The following PCDHGA5 variants were observed in gnomAD, a reference collection of about 807,000 sequenced individuals.
PCDHGA5 encodes protocadherin gamma subfamily A, 5.
A neutral mutation model predicts 56.7 loss-of-function variants in PCDHGA5; 36 were observed. The ratio of observed to expected loss-of-function variants is 0.64; its 90% CI spans 0.49 to 0.84. The LOEUF is 0.84. Among genes scored for constraint, PCDHGA5 ranks in the 40% least tolerant of loss-of-function variants. The pLI is 0.00. For synonymous variants in PCDHGA5, 563 were observed against 520.2 expected (o/e 1.08, Z -1.12); for missense variants, 1,305 against 1,201.5 (o/e 1.09, Z -1.27).
At position 141,431,851 on chromosome 5, in the gene PCDHGA5, A is replaced by G. The variant is rs2097423722; in HGVS notation, c.2422-62956A>G. 1 of 1,614,264 alleles carries G rather than the reference A, an allele frequency of 6.2e-7. No individual in the cohort carries two copies. The highest frequency in any genetic ancestry group is 1.1e-5 in the South Asian group (1 of 91,088). ...TTCCCGAAAACTCTCCCAGAGGGAC[A>G]TTAATTGCCCTTTTAAATGTAAATG... On this transcript the variant is annotated intron_variant, in intron 1 of 3. Coordinates refer to ENST00000518069, the MANE Select transcript of PCDHGA5 (RefSeq NM_018918.3). This position sits in a 1 kb window ranked among gnomAD's most constrained non-coding sequence, Gnocchi z 4.8.
At chr5:141,500,699 A>G (rs780869966) in intron 2 of PCDHGA5, among the ~76,000 whole-genome samples, 1 of 152,156 alleles carries the variant, frequency 6.6e-6, no homozygotes, top group Non-Finnish European at 1.5e-5. Context: ...TCTTCTTTGC[A>G]GTGTATCATG....
chr5:141,414,778 C>T (rs1346896593), intron 1 of PCDHGA5: 12 of 1,614,202 alleles, frequency 7.4e-6, no homozygotes, highest in Non-Finnish European at 1.0e-5. Context: ...GCTACAGATG[C>T]AGGTGACAGC....
intron 1 of PCDHGA5, chr5:141,404,276 G>A (rs754510135): frequency 6.2e-7 from 1 of 1,613,992 alleles, no homozygotes; most frequent in Non-Finnish European, 8.5e-7. Context: ...CACCCTGCAA[G>A]TGACTGACAT....
chr5:141,384,928 A>G (rs1780667479), intron 1 of PCDHGA5: 3 of 1,614,014 alleles, frequency 1.9e-6, no homozygotes, highest in Non-Finnish European at 2.5e-6. Context: ...CGACCTGGGC[A>G]GCCTTGAGCC....
intron 1 of PCDHGA5, chr5:141,441,037 A>G (rs1318122240): frequency 6.6e-6 from 1 of 152,194 alleles, no homozygotes; most frequent in Admixed American, 6.5e-5. Context: ...GAAAACTTTA[A>G]GTACATTGGA....
rs757755103 is a variant in PCDHGA5 at position 141,432,638 on chromosome 5, C to T, written c.2422-62169C>T. 1.2e-6 allele frequency: 2 copies of T among 1,613,810 alleles called. No homozygotes were observed. Among genetic ancestry groups the T allele is most frequent in the Non-Finnish European group, 8.5e-7 (1 of 1,179,930 alleles). ...GGTGGGTCTGCACACGGGCGAGGTG[C>T]GCACGGCGCGAGCCCTGCTGGACAG... is the stretch of plus-strand genomic sequence containing the variant. On this transcript the variant is annotated intron_variant, in intron 1 of 3. Transcript: ENST00000518069. The surrounding 1 kb of genome is among the most constrained non-coding windows in gnomAD (Gnocchi z 6.0).
At chr5:141,394,122 C>G in intron 1 of PCDHGA5, 1 of 1,613,944 alleles carries the variant, frequency 6.2e-7, no homozygotes, top group Middle Eastern at 1.6e-4. Context: ...CACTGAAACT[C>G]AAATCGCTCT....
chr5:141,456,335 G>A (rs2098850730), intron 1 of PCDHGA5, among the ~76,000 whole-genome samples: 1 of 152,114 alleles, frequency 6.6e-6, no homozygotes. Flanking sequence ...TTGATCTAAG[G>A]GTCCTCGGAA....
rs761227475 is a variant in PCDHGA5 at position 141,489,382 on chromosome 5, G to A, written c.2422-5425G>A. 4 of 1,613,872 alleles carry A rather than the reference G, an allele frequency of 2.5e-6. No homozygotes were observed. The highest frequency in any genetic ancestry group is 1.7e-5 in the Admixed American group (1 of 60,006). On this transcript the variant is annotated intron_variant, in intron 1 of 3. Coordinates refer to ENST00000518069, the MANE Select transcript of PCDHGA5 (RefSeq NM_018918.3). The surrounding 1 kb of genome is among the most constrained non-coding windows in gnomAD (Gnocchi z 4.5). ...TGAGCCGGGGACGCTGGTGGGGAATGTTGCTCAGGATCTGGGCTTAAAGAT... is the reference window on the plus strand; with the variant it reads ...TGAGCCGGGGACGCTGGTGGGGAATATTGCTCAGGATCTGGGCTTAAAGAT...
intron 1 of PCDHGA5, chr5:141,374,803 A>C (rs371815306): frequency 4.3e-6 from 7 of 1,613,866 alleles, no homozygotes; most frequent in African/African-American, 4.0e-5. Flanking sequence ...ACAACACTCC[A>C]ATGTTTACTC....
chr5:141,409,286 C>T (rs1304936825), intron 1 of PCDHGA5: 1 of 1,613,826 alleles, frequency 6.2e-7, no homozygotes, highest in African/African-American at 1.3e-5. Context: ...GAATTCACCT[C>T]CAGGAATGGT....
At position 141,476,456 on chromosome 5, in the gene PCDHGA5, A is replaced by C; in HGVS notation, c.2422-18351A>C. The C allele has an allele frequency of 6.2e-7, 1 of 1,614,058 alleles. No homozygotes were observed. Among genetic ancestry groups the C allele is most frequent in the Non-Finnish European group, 8.5e-7 (1 of 1,180,010 alleles). On this transcript the variant is annotated intron_variant, in intron 1 of 3. Transcript: ENST00000518069. The surrounding 1 kb of genome is among the most constrained non-coding windows in gnomAD (Gnocchi z 7.6). ...TGTAACTCTGGAGTTGGTAGTGGAGAACCCGCTGGAGCTGTTCAGCGTGGA... is the reference window on the plus strand; with the variant it reads ...TGTAACTCTGGAGTTGGTAGTGGAGCACCCGCTGGAGCTGTTCAGCGTGGA...
At chr5:141,380,617 C>T (rs1024348906) in intron 1 of PCDHGA5, among the ~76,000 whole-genome samples, 3 of 152,156 alleles carry the variant, frequency 2.0e-5, no homozygotes, top group Admixed American at 6.5e-5. Context: ...TTATGATGTT[C>T]GATAACTTAG....
At chr5:141,423,745 C>A (rs561499055) in intron 1 of PCDHGA5, 2 of 605,688 alleles carry the variant, frequency 3.3e-6, no homozygotes, top group Non-Finnish European at 4.0e-6. Context: ...GTTATGAAAA[C>A]TGTTTGGGGG....
At chr5:141,400,385 C>G (rs903146096) in intron 1 of PCDHGA5, 1 of 1,614,074 alleles carries the variant, frequency 6.2e-7, no homozygotes, top group Admixed American at 1.7e-5. Flanking sequence ...CTATGTGTTG[C>G]ACATACAGGA....
In PCDHGA5 at chr5:141,364,479, A is replaced by G. The variant is rs761634575; in HGVS notation, c.149A>G (p.Lys50Arg). ...DKGSFVGNIA[K>R]DLGLEPQELA... ...GGCTCCTTCGTCGGCAACATAGCCA[A>G]GGACCTTGGGCTGGAGCCCCAGGAG... Residue 50 changes from lysine to arginine, a missense_variant, in exon 1 of 4, where the codon AAG (lysine) becomes AGG (arginine). Physicochemically the swap from Lys to Arg is conservative, Grantham distance 26. Coordinates refer to ENST00000518069, the MANE Select transcript of PCDHGA5 (RefSeq NM_018918.3). The G allele has an allele frequency of 6.2e-7, 1 of 1,614,046 alleles. No homozygotes were observed. The highest frequency in any genetic ancestry group is 2.2e-5 in the East Asian group (1 of 44,882).
chr5:141,428,091 T>A lies in PCDHGA5; in HGVS notation c.2421+61340T>A, dbSNP rs769710543. 1.1e-5 allele frequency: 17 copies of A among 1,609,000 alleles called. No homozygotes were observed. In the African/African-American group the frequency reaches 1.5e-4, roughly 14 times the overall value. On this transcript the variant is annotated intron_variant, in intron 1 of 3. Transcript: ENST00000518069. ...AGATTCGGGACACAACGCTTGGCTGTCCTACCACGTGCTGCAGGCCATCGA... is the reference window on the plus strand; with the variant it reads ...AGATTCGGGACACAACGCTTGGCTGACCTACCACGTGCTGCAGGCCATCGA...
At position 141,431,738 on chromosome 5, in the gene PCDHGA5, TA is replaced by T; in HGVS notation, c.2422-63068del. ...AGTGCAAGCAATGGATAATGCAGGA[TA>T]TTCTGCGCGAGCCAAAGTCCTGATC... On this transcript the variant is annotated intron_variant, in intron 1 of 3. Coordinates refer to ENST00000518069, the MANE Select transcript of PCDHGA5 (RefSeq NM_018918.3). The surrounding 1 kb of genome is among the most constrained non-coding windows in gnomAD (Gnocchi z 4.8). The T allele has an allele frequency of 6.2e-7, 1 of 1,614,234 alleles. No individual in the cohort carries two copies. Among genetic ancestry groups the T allele is most frequent in the South Asian group, 1.1e-5 (1 of 91,092 alleles).
chr5:141,384,191 C>T (rs376661364), intron 1 of PCDHGA5: 30 of 1,613,842 alleles, frequency 1.9e-5, no homozygotes, highest in Non-Finnish European at 2.5e-5. Context: ...GGAACTCCTC[C>T]CTTGTCCAGG....
Sources: allele counts gnomAD v4.1 joint callset (sites outside exome capture counted in the v4.1 genomes callset), GRCh38; gene constraint gnomAD v4.1.1; non-coding constraint Gnocchi (gnomAD v3.1); transcripts MANE v1.5; gene names NCBI Gene and HGNC (gene_info 2026-07-23, HGNC 2026-07-21).